Variants in LRCH1 observed in about 807,000 individuals in gnomAD.
LRCH1 encodes leucine rich repeats and calponin homology domain containing 1, also known as leucine-rich repeat and calponin homology domain-containing protein 1.
LRCH1 carries 23 observed loss-of-function variants against 94.9 expected under a neutral mutation model. That is an observed-to-expected ratio of 0.24 (90% CI 0.17 to 0.34). LRCH1 has a LOEUF of 0.34. Ranked by LOEUF, LRCH1 falls within the 10% of genes least tolerant of loss-of-function variation. LRCH1 has a pLI of 1.00. For synonymous variants in LRCH1, 364 were observed against 354.9 expected (o/e 1.03, Z -0.29); for missense variants, 790 against 945.9 (o/e 0.84, Z 2.16).
intron 19 of LRCH1, among the ~76,000 whole-genome samples, chr13:46,735,895 C>T (rs980108465): frequency 1.4e-5 from 2 of 147,030 alleles, no homozygotes; most frequent in Middle Eastern, 3.5e-3. Context: ...TTCCCGGGTT[C>T]AAGCGATTCT....
intron 2 of LRCH1, among the ~76,000 whole-genome samples, chr13:46,668,059 T>C (rs2051545038): frequency 6.6e-6 from 1 of 152,230 alleles, no homozygotes; most frequent in Non-Finnish European, 1.5e-5. Flanking sequence ...GATATTTCAC[T>C]CTGTGGTTGT....
chr13:46,729,775 G>A (rs1873010715), intron 18 of LRCH1, among the ~76,000 whole-genome samples: 2 of 152,298 alleles, frequency 1.3e-5, no homozygotes, highest in Admixed American at 1.3e-4. Context: ...CTGAAAAGAT[G>A]TGAGTTCTAT....
chr13:46,666,114 G>A (rs1165981923), intron 2 of LRCH1, among the ~76,000 whole-genome samples: 2 of 152,122 alleles, frequency 1.3e-5, no homozygotes, highest in East Asian at 1.9e-4. Flanking sequence ...CCTGCTGTAC[G>A]GTGACTAAAT....
chr13:46,695,746 A>AGAATGG (rs1871149328), intron 9 of LRCH1, among the ~76,000 whole-genome samples: 1 of 152,184 alleles, frequency 6.6e-6, no homozygotes. Flanking sequence ...GTTGAAGCCA[A>AGAATGG]GAATGGGATC....
intron 1 of LRCH1, among the ~76,000 whole-genome samples, chr13:46,571,948 G>GT (rs1006315337): frequency 2.0e-5 from 3 of 152,106 alleles, no homozygotes; most frequent in Non-Finnish European, 4.4e-5. Flanking sequence ...GGCAGTGGCT[G>GT]TTTTTTTGAA....
intron 9 of LRCH1, 70 bp from the exon 10 acceptor site, chr13:46,699,266 T>C: frequency 2.6e-6 from 3 of 1,157,788 alleles, no homozygotes; most frequent in East Asian, 2.3e-5. Flanking sequence ...AAACATGGGC[T>C]GGGCAGGTTT....
intron 1 of LRCH1, among the ~76,000 whole-genome samples, chr13:46,625,134 T>C (rs990695867): frequency 6.6e-6 from 1 of 152,266 alleles, no homozygotes; most frequent in Non-Finnish European, 1.5e-5. Flanking sequence ...CTTGCCCAAG[T>C]GCCTAGTGGC....
chr13:46,689,389 G>A (rs1870781538), intron 7 of LRCH1, among the ~76,000 whole-genome samples, 193 bp downstream of exon 7: 1 of 152,052 alleles, frequency 6.6e-6, no homozygotes, highest in South Asian at 2.1e-4. Flanking sequence ...TACTTATTCT[G>A]CATCTTTAAT....
chr13:46,635,811 C>G (rs1323739063), intron 1 of LRCH1, among the ~76,000 whole-genome samples: 2 of 151,986 alleles, frequency 1.3e-5, no homozygotes, highest in African/African-American at 4.8e-5. Context: ...TCAGTTGTCT[C>G]CTTTCTCTTC....
chr13:46,624,078 C>A (rs762086690), intron 1 of LRCH1, among the ~76,000 whole-genome samples: 3 of 151,954 alleles, frequency 2.0e-5, no homozygotes, highest in African/African-American at 7.3e-5. Flanking sequence ...GAGATGAGGT[C>A]TCTCTATGTT....
rs543032537 is a variant in LRCH1 at position 46,573,969 on chromosome 13, C to T, written c.307+20266C>T. On this transcript the variant is annotated intron_variant, in intron 1 of 19. Coordinates refer to ENST00000389797, the MANE Select transcript of LRCH1 (RefSeq NM_001164211.2). ...CCTCCACCTGCCTCGTTCAAGCCTCCCAAGTAGCTGGGATTACAGGCACAC... is the reference window on the plus strand; with the variant it reads ...CCTCCACCTGCCTCGTTCAAGCCTCTCAAGTAGCTGGGATTACAGGCACAC... Among the ~76,000 whole-genome samples, 54 of 149,274 alleles carry T rather than the reference C, an allele frequency of 3.6e-4. 1 individual carries two copies. The highest frequency in any genetic ancestry group is 1.3e-3 in the African/African-American group (53 of 40,720).
rs533543595 is a variant in LRCH1, at chr13:46,553,473, C to CCCACCA, written c.93_98dup (p.His32_His33dup). The CCCACCA allele has an allele frequency of 1.6e-5, 25 of 1,548,058 alleles. 1 individual carries two copies. The highest frequency in any genetic ancestry group is 6.0e-5 in the South Asian group (5 of 83,922). ...GCTACTCTGCACCCACTTCATCATC[C>CCCACCA]CCACCACCACCACCACCACCATCAG... is the stretch of plus-strand genomic sequence containing the variant. On this transcript the variant is annotated inframe_insertion, in exon 1 of 20. Coordinates refer to ENST00000389797, the MANE Select transcript of LRCH1 (RefSeq NM_001164211.2).
intron 2 of LRCH1, among the ~76,000 whole-genome samples, chr13:46,665,139 A>G (rs1256358551): frequency 6.6e-6 from 1 of 152,236 alleles, no homozygotes; most frequent in Non-Finnish European, 1.5e-5. Context: ...GGTATATTCC[A>G]GTAGAATTTA....
chr13:46,622,668 CT>C (rs1292683193), intron 1 of LRCH1, among the ~76,000 whole-genome samples: 1 of 152,134 alleles, frequency 6.6e-6, no homozygotes, highest in Non-Finnish European at 1.5e-5. Flanking sequence ...AACTGAGAAC[CT>C]GTAAGGTGAC....
chr13:46,628,855 G>A (rs762747106), intron 1 of LRCH1, among the ~76,000 whole-genome samples: 5 of 152,056 alleles, frequency 3.3e-5, no homozygotes, highest in Non-Finnish European at 5.9e-5. Context: ...GAGTTATGGC[G>A]TCATCAATCT....
chr13:46,665,741 A>G (rs905679713), intron 2 of LRCH1, among the ~76,000 whole-genome samples: 5 of 152,142 alleles, frequency 3.3e-5, no homozygotes, highest in African/African-American at 1.2e-4. Flanking sequence ...CCTTATTTTC[A>G]AACGTTCTTT....
At chr13:46,715,054 T>C (rs1872251411) in intron 15 of LRCH1, among the ~76,000 whole-genome samples, 1 of 152,176 alleles carries the variant, frequency 6.6e-6, no homozygotes, top group Non-Finnish European at 1.5e-5. Context: ...AGAAAAAAAA[T>C]CACTAATGGT....
chr13:46,629,397 A>T (rs1243548430), intron 1 of LRCH1, among the ~76,000 whole-genome samples: 1 of 152,210 alleles, frequency 6.6e-6, no homozygotes, highest in African/African-American at 2.4e-5. Flanking sequence ...CTTGTGTGCC[A>T]ATCAAAAATA....
chr13:46,719,442 G>C (rs768820823), intron 16 of LRCH1, among the ~76,000 whole-genome samples: 1 of 152,208 alleles, frequency 6.6e-6, no homozygotes, highest in Non-Finnish European at 1.5e-5. Context: ...AAGATAGAAA[G>C]TGGTGAGTGC....
Sources: allele counts gnomAD v4.1 joint callset (sites outside exome capture counted in the v4.1 genomes callset), GRCh38; gene constraint gnomAD v4.1.1; transcripts MANE v1.5; gene names NCBI Gene and HGNC (gene_info 2026-07-23, HGNC 2026-07-21).